The following BAIAP2L1 variants were observed in gnomAD, a reference collection of about 807,000 sequenced individuals.
The protein encoded by BAIAP2L1 is BAR/IMD domain containing adaptor protein 2 like 1, also known as BAR/IMD domain-containing adapter protein 2-like 1.
In BAIAP2L1, 35 loss-of-function variants were observed where a neutral mutation model predicts 66.3. The observed-to-expected ratio is 0.53, with a 90% CI of 0.40 to 0.70. The LOEUF (loss-of-function observed/expected upper bound fraction) is 0.70, where lower values mean the gene tolerates loss of function less well. BAIAP2L1 is among the 30% of genes least tolerant of loss of function. The pLI is 0.00. For missense variants in BAIAP2L1, 622 were observed against 656.9 expected (o/e 0.95, Z 0.58); for synonymous variants, 269 against 248.7 (o/e 1.08, Z -0.77).
intron 1 of BAIAP2L1, chr7:98,386,064 C>T: frequency 2.0e-6 from 3 of 1,514,348 alleles, no homozygotes; most frequent in Non-Finnish European, 2.7e-6. Context: ...TTGTCTGCAC[C>T]TCTCGGGTCA....
intron 1 of BAIAP2L1, among the ~76,000 whole-genome samples, chr7:98,377,861 C>T (rs1802669934): frequency 7.5e-6 from 1 of 133,630 alleles, no homozygotes; most frequent in Non-Finnish European, 1.6e-5. Context: ...GGTGTGGTGG[C>T]TCACACCTGT....
chr7:98,385,678 T>C lies in BAIAP2L1; in HGVS notation c.51+15124A>G, dbSNP rs1802869876. On this transcript the variant is annotated intron_variant, in intron 1 of 13. Coordinates refer to ENST00000005260, the MANE Select transcript of BAIAP2L1 (RefSeq NM_018842.5). Reference sequence around the variant, plus strand: ...AGCTGCCTGCTTCAGCCTCCCAAAGTGCTGGGATTATAGGCAGGAGCCCCC... The same window carrying C: ...AGCTGCCTGCTTCAGCCTCCCAAAGCGCTGGGATTATAGGCAGGAGCCCCC... The C allele has an allele frequency of 1.7e-5, 14 of 818,356 alleles. No homozygotes were observed. In the South Asian group the frequency reaches 2.3e-4, roughly 13 times the overall value. The allele number at this position is 818,356 out of a possible 1,614,324, so 50.7% of individuals were successfully genotyped here.
At chr7:98,320,160 G>A in intron 4 of BAIAP2L1, 31 bp from the exon 5 acceptor site, 1 of 1,597,198 alleles carries the variant, frequency 6.3e-7, no homozygotes, top group East Asian at 2.2e-5. Context: ...ATTCATACCA[G>A]GTTTGAGATT....
chr7:98,342,402 T>C (rs1333618933), intron 3 of BAIAP2L1, among the ~76,000 whole-genome samples: 2 of 152,190 alleles, frequency 1.3e-5, no homozygotes, highest in Non-Finnish European at 1.5e-5. Context: ...ACTGTCAGAT[T>C]GGATTCTGAG....
At chr7:98,311,522 CAG>C (rs1339205200) in intron 8 of BAIAP2L1, among the ~76,000 whole-genome samples, 4 of 150,930 alleles carry the variant, frequency 2.7e-5, no homozygotes, top group Non-Finnish European at 5.9e-5. Flanking sequence ...GCCTGAGTGA[CAG>C]AGCAAGACTG....
chr7:98,352,022 G>A lies in BAIAP2L1; in HGVS notation c.214+3020C>T, dbSNP rs9632687. 4.6e-3 allele frequency among the ~76,000 whole-genome samples: 696 copies of A among 152,130 alleles called. 4 individuals are homozygous for A. Among genetic ancestry groups the A allele is most frequent in the African/African-American group, 0.016 (663 of 41,518 alleles). ...AGTTGTGAATACCAAATACCAAAACGGAGTAACTAGACAATAAAATCTTCT... is the reference window on the plus strand; with the variant it reads ...AGTTGTGAATACCAAATACCAAAACAGAGTAACTAGACAATAAAATCTTCT... On this transcript the variant is annotated intron_variant, in intron 3 of 13. Coordinates refer to ENST00000005260, the MANE Select transcript of BAIAP2L1 (RefSeq NM_018842.5).
intron 1 of BAIAP2L1, among the ~76,000 whole-genome samples, chr7:98,390,559 T>C (rs1315810668): frequency 6.6e-6 from 1 of 151,726 alleles, no homozygotes; most frequent in Non-Finnish European, 1.5e-5. Flanking sequence ...AAACCCCGTC[T>C]CTATTAAAAA....
chr7:98,350,382 G>T (rs915834134), intron 3 of BAIAP2L1, among the ~76,000 whole-genome samples: 6 of 152,106 alleles, frequency 3.9e-5, no homozygotes, highest in African/African-American at 1.2e-4. Flanking sequence ...AGAAGGCTGG[G>T]CACAGTGGCT....
chr7:98,328,502 G>A lies in BAIAP2L1; in HGVS notation c.215-8204C>T, dbSNP rs1415036163. ...GCTTCGGTGGGTACTGTGCTTTCCA[G>A]TGTTCTGGAGAGAAACACTGGCTGC... On this transcript the variant is annotated intron_variant, in intron 3 of 13. Transcript: ENST00000005260. Among the ~76,000 whole-genome samples the A allele has an allele frequency of 4.6e-5, 7 of 151,990 alleles. No individual in the cohort carries two copies. The East Asian group carries it at 1.2e-3, about 25-fold the overall frequency.
intron 3 of BAIAP2L1, among the ~76,000 whole-genome samples, chr7:98,334,300 A>C (rs1312735766): frequency 6.6e-6 from 1 of 152,218 alleles, no homozygotes; most frequent in African/African-American, 2.4e-5. Context: ...AGTTATAGGA[A>C]CAGGCTTACT....
intron 3 of BAIAP2L1, among the ~76,000 whole-genome samples, chr7:98,322,045 G>A (rs977710734): frequency 6.6e-6 from 1 of 152,124 alleles, no homozygotes; most frequent in African/African-American, 2.4e-5. Flanking sequence ...GCAGTGAGCC[G>A]AGATAGCGCC....
intron 2 of BAIAP2L1, among the ~76,000 whole-genome samples, chr7:98,356,437 C>T (rs1022671381): frequency 6.6e-6 from 1 of 152,088 alleles, no homozygotes; most frequent in African/African-American, 2.4e-5. Context: ...ATCCCAGAGG[C>T]TATACCAGCT....
chr7:98,361,285 A>T (rs1802265278), intron 2 of BAIAP2L1, among the ~76,000 whole-genome samples: 2 of 151,876 alleles, frequency 1.3e-5, no homozygotes. Context: ...TGAGCCTGGG[A>T]GGCAGAGGTT....
intron 3 of BAIAP2L1, among the ~76,000 whole-genome samples, chr7:98,354,493 G>A (rs1278884595): frequency 1.3e-5 from 2 of 152,084 alleles, no homozygotes; most frequent in Non-Finnish European, 1.5e-5. Context: ...CCTAACCCCC[G>A]ACAGTGAAGT....
At chr7:98,345,656 C>A (rs965249346) in intron 3 of BAIAP2L1, among the ~76,000 whole-genome samples, 7 of 151,796 alleles carry the variant, frequency 4.6e-5, no homozygotes, top group African/African-American at 1.7e-4. Flanking sequence ...ACCTGGGAGG[C>A]AGAGATTGCA....
At chr7:98,372,733 G>GTTTTTTTTTTT (rs34330041) in intron 1 of BAIAP2L1, among the ~76,000 whole-genome samples, 1 of 93,766 alleles carries the variant, frequency 1.1e-5, no homozygotes, top group Admixed American at 1.3e-4. Context: ...ATCGATTTTG[G>GTTTTTTTTTTT]TTTTTTTTTT....
At position 98,367,825 on chromosome 7, in the gene BAIAP2L1, T is replaced by C. The variant is rs990096896; in HGVS notation, c.52-5393A>G. ...TTTTAATAGAGATGGGGTTTCGCCA[T>C]GTTGGTCAGGCTGGTCTTGAACTCC... On this transcript the variant is annotated intron_variant, in intron 1 of 13. Coordinates refer to ENST00000005260, the MANE Select transcript of BAIAP2L1 (RefSeq NM_018842.5). Among the ~76,000 whole-genome samples, 11 of 152,136 alleles carry C rather than the reference T, an allele frequency of 7.2e-5. 1 individual carries two copies. Among genetic ancestry groups the C allele is most frequent in the Admixed American group, 3.9e-4 (6 of 15,282 alleles).
chr7:98,295,146 C>A (rs1301581699), intron 12 of BAIAP2L1, among the ~76,000 whole-genome samples: 1 of 152,232 alleles, frequency 6.6e-6, no homozygotes, highest in Non-Finnish European at 1.5e-5. Flanking sequence ...CTCTCATGCC[C>A]GATGCCAGCG....
In BAIAP2L1 at chr7:98,393,074, TACAC is replaced by T. The variant is rs779327448; in HGVS notation, c.51+7724_51+7727del. On this transcript the variant is annotated intron_variant, in intron 1 of 13. Transcript: ENST00000005260. ...GTACATATATGTACACATATATGTATACACACACATATATACATATATACGTGTA... is the reference window on the plus strand; with the variant it reads ...GTACATATATGTACACATATATGTATACACATATATACATATATACGTGTA... Among the ~76,000 whole-genome samples the T allele has an allele frequency of 1.1e-4, 15 of 132,030 alleles. 2 individuals carry two copies. In the South Asian group the frequency reaches 1.5e-3, roughly 13 times the overall value. The allele number at this position is 132,030 out of a possible 152,430, so 86.6% of individuals were successfully genotyped here.
Sources: gnomAD v4.1 joint callset for allele counts (sites outside exome capture counted in the v4.1 genomes callset) on GRCh38, gnomAD v4.1.1 for gene constraint, MANE v1.5 for transcripts, NCBI Gene and HGNC (gene_info 2026-07-23, HGNC 2026-07-21) for gene names.